SATB2: variants seen among roughly 807,000 people sequenced by gnomAD.
The protein encoded by SATB2 is DNA-binding protein SATB2.
In SATB2, 1 loss-of-function variant was observed where a neutral mutation model predicts 73.4. The observed-to-expected ratio is 0.01, with a 90% CI of 0.00 to 0.06. SATB2 has a LOEUF of 0.06. SATB2 is among the 10% of genes least tolerant of loss of function. SATB2 has a pLI of 1.00. For missense variants in SATB2, 459 were observed against 945.8 expected (o/e 0.49, Z 6.75); for synonymous variants, 397 against 367.0 (o/e 1.08, Z -0.93).
chr2:199,458,408 G>A (rs1692362390), upstream of SATB2: 2 of 367,900 alleles, frequency 5.4e-6, no homozygotes, highest in African/African-American at 2.3e-5. Flanking sequence ...GGGTGACGAG[G>A]ACCTCATGCA....
chr2:199,339,605 G>A (rs1340532752), intron 7 of SATB2, among the ~76,000 whole-genome samples: 1 of 152,096 alleles, frequency 6.6e-6, no homozygotes, highest in East Asian at 1.9e-4. Context: ...GGACCATGGA[G>A]TCAAGATCCC....
chr2:199,285,637 AT>A, intron 10 of SATB2, among the ~76,000 whole-genome samples: 1 of 152,130 alleles, frequency 6.6e-6, no homozygotes, highest in Admixed American at 6.6e-5. Flanking sequence ...CAGGTGTTAG[AT>A]TACATTTTGA....
chr2:199,409,248 C>T (rs1319350054), intron 3 of SATB2, among the ~76,000 whole-genome samples: 3 of 147,624 alleles, frequency 2.0e-5, no homozygotes, highest in African/African-American at 7.4e-5. Flanking sequence ...CAGCTCACCA[C>T]AACCTCCGCC....
chr2:199,349,537 A>G (rs1688753994), intron 6 of SATB2, among the ~76,000 whole-genome samples: 1 of 152,168 alleles, frequency 6.6e-6, no homozygotes, highest in African/African-American at 2.4e-5. Context: ...AGCTGTTCCT[A>G]TCTTCTGTAG....
chr2:199,386,301 C>A (rs1338229289), intron 3 of SATB2, among the ~76,000 whole-genome samples: 2 of 152,148 alleles, frequency 1.3e-5, no homozygotes, highest in Non-Finnish European at 2.9e-5. Flanking sequence ...TGGAACATTT[C>A]AGATTTCAGA....
At chr2:199,407,781 T>C (rs1690680572) in intron 3 of SATB2, among the ~76,000 whole-genome samples, 1 of 152,076 alleles carries the variant, frequency 6.6e-6, no homozygotes, top group South Asian at 2.1e-4. Flanking sequence ...ATGCAGTAAA[T>C]GAGTATAAAC....
intron 3 of SATB2, among the ~76,000 whole-genome samples, chr2:199,385,744 T>C (rs929937753): frequency 3.3e-5 from 5 of 152,106 alleles, no homozygotes; most frequent in African/African-American, 1.2e-4. Flanking sequence ...AAAAGACTGG[T>C]TCCAAGTTTT....
intron 9 of SATB2, among the ~76,000 whole-genome samples, chr2:199,321,223 TAA>T (rs1687875226): frequency 6.6e-6 from 1 of 151,998 alleles, no homozygotes; most frequent in African/African-American, 2.4e-5. Context: ...GAGAGATATA[TAA>T]GTCTATAAGG....
chr2:199,296,912 T>C (rs1265611316), intron 10 of SATB2, among the ~76,000 whole-genome samples: 1 of 152,212 alleles, frequency 6.6e-6, no homozygotes, highest in Non-Finnish European at 1.5e-5. Flanking sequence ...TGCTCTGGCC[T>C]CTGAAACAAC....
At chr2:199,280,186 C>A (rs543676721) in intron 10 of SATB2, among the ~76,000 whole-genome samples, 2 of 152,308 alleles carry the variant, frequency 1.3e-5, no homozygotes, top group African/African-American at 2.4e-5. Flanking sequence ...AATCTCTGAA[C>A]ATAAATTGTG....
chr2:199,327,561 T>C (rs1292287235), intron 8 of SATB2, among the ~76,000 whole-genome samples: 2 of 152,040 alleles, frequency 1.3e-5, no homozygotes, highest in African/African-American at 2.4e-5. Flanking sequence ...ATCTATCGAG[T>C]AGTAAAAGTT....
At chr2:199,320,251 C>T (rs577675665) in intron 9 of SATB2, among the ~76,000 whole-genome samples, 18 of 152,116 alleles carry the variant, frequency 1.2e-4, no homozygotes, top group Non-Finnish European at 2.2e-4. Context: ...ACCCCTAACT[C>T]CTAATTCACA....
intron 10 of SATB2, among the ~76,000 whole-genome samples, chr2:199,293,782 T>G (rs1018529955): frequency 2.0e-5 from 3 of 152,134 alleles, no homozygotes; most frequent in Non-Finnish European, 2.9e-5. Context: ...ACCACTGCCA[T>G]GATTTACCAC....
intron 3 of SATB2, chr2:199,396,143 T>C (rs1400904116): frequency 6.6e-6 from 1 of 152,198 alleles, no homozygotes; most frequent in Non-Finnish European, 1.5e-5. Context: ...AATCTGCAGA[T>C]AGGGCCCAAT....
At chr2:199,373,901 T>A (rs1437811522) in intron 5 of SATB2, among the ~76,000 whole-genome samples, 1 of 152,160 alleles carries the variant, frequency 6.6e-6, no homozygotes, top group East Asian at 1.9e-4. Flanking sequence ...TGAACTTAGG[T>A]TAAATTAAAC....
chr2:199,422,101 T>C (rs890415020), intron 3 of SATB2, among the ~76,000 whole-genome samples: 1 of 152,154 alleles, frequency 6.6e-6, no homozygotes, highest in African/African-American at 2.4e-5. Context: ...GTATTAAAAT[T>C]AATAATATAG....
intron 3 of SATB2, among the ~76,000 whole-genome samples, chr2:199,405,516 C>T (rs1330056809): frequency 1.3e-5 from 2 of 152,010 alleles, no homozygotes; most frequent in African/African-American, 4.8e-5. Context: ...AGGGTGTGTG[C>T]CCTGGAGGGA....
At chr2:199,467,812 C>T (rs546571041), upstream of SATB2, among the ~76,000 whole-genome samples, 1 of 152,284 alleles carries the variant, frequency 6.6e-6, no homozygotes, top group East Asian at 1.9e-4. Flanking sequence ...GCCAGGGCCT[C>T]AGTGACTGCA....
Position 199,296,464 on chromosome 2 carries a change from G to C in SATB2, c.1740+12296C>G, listed in dbSNP as rs185054986. On this transcript the variant is annotated intron_variant, in intron 10 of 10. Coordinates refer to ENST00000417098, the MANE Select transcript of SATB2 (RefSeq NM_001172509.2). ...CCAGCACTTTGGGAGGCCGAGGCAG[G>C]TAGACTGCTTGAGTCCAGGAGTTCG... Among the ~76,000 whole-genome samples, 9 of 152,282 alleles carry C rather than the reference G, an allele frequency of 5.9e-5. No homozygotes were observed. The East Asian group carries it at 1.5e-3, about 26-fold the overall frequency.
Sources: allele counts gnomAD v4.1 joint callset (sites outside exome capture counted in the v4.1 genomes callset), GRCh38; gene constraint gnomAD v4.1.1; transcripts MANE v1.5; gene names NCBI Gene and HGNC (gene_info 2026-07-23, HGNC 2026-07-21).